BAK1: variants seen among roughly 807,000 people sequenced by gnomAD.
BAK1 encodes BCL2 antagonist/killer 1.
A neutral mutation model predicts 24.7 loss-of-function variants in BAK1; 19 were observed. The observed-to-expected ratio is 0.77, with a 90% CI of 0.54 to 1.13. The LOEUF is 1.13. Among genes scored for constraint, BAK1 ranks in the 50% most tolerant of loss-of-function variants. The pLI, the probability that BAK1 is intolerant of heterozygous loss-of-function variation, is 0.00. For synonymous variants in BAK1, 86 were observed against 107.3 expected (o/e 0.80, Z 1.23); for missense variants, 194 against 279.4 (o/e 0.69, Z 2.18).
chr6:33,575,643 T>A lies in BAK1; in HGVS notation c.206+150A>T. 7.4e-7 allele frequency: 1 copy of A among 1,356,838 alleles called. No individual in the cohort carries two copies. The highest frequency in any genetic ancestry group is 1.0e-6 in the Non-Finnish European group (1 of 993,134). The allele number at this position is 1,356,838 out of a possible 1,614,324, so 84.0% of individuals were successfully genotyped here. On this transcript the variant is annotated intron_variant, in intron 3 of 5. Coordinates refer to ENST00000374467, the MANE Select transcript of BAK1 (RefSeq NM_001188.4). The surrounding 1 kb of genome is among the most constrained non-coding windows in gnomAD (Gnocchi z 6.3). ...GCTAAAAAGGATACAAGGTCCTGGA[T>A]GGGGGTGGGAGCCCAACATAAAAGA...
At chr6:33,576,283 A>G (rs1762843114) in intron 2 of BAK1, among the ~76,000 whole-genome samples, 1 of 147,868 alleles carries the variant, frequency 6.8e-6, no homozygotes, top group Non-Finnish European at 1.5e-5. Context: ...GTGAGCGGAG[A>G]TCGTGCCACT....
At chr6:33,576,810 AG>A (rs1232173516) in intron 2 of BAK1, among the ~76,000 whole-genome samples, 4 of 152,232 alleles carry the variant, frequency 2.6e-5, no homozygotes, top group South Asian at 2.1e-4. Flanking sequence ...CCCAGCTGGC[AG>A]GGGGAAAATG....
rs936340521 is a variant in BAK1, at chr6:33,573,749, C to T, written c.*54G>A. On this transcript the variant is annotated 3_prime_UTR_variant, in exon 6 of 6. Transcript: ENST00000374467. Reference sequence around the variant, plus strand: ...AAGGGAACAGAGAAGGCAAAGACTTCGCTTAAGTCCAGGCAGGGGTCTGAA... The same window carrying T: ...AAGGGAACAGAGAAGGCAAAGACTTTGCTTAAGTCCAGGCAGGGGTCTGAA... The T allele has an allele frequency of 1.3e-5, 19 of 1,443,612 alleles. No individual in the cohort carries two copies. In the Middle Eastern group the frequency reaches 1.0e-3, roughly 79 times the overall value. The allele number at this position is 1,443,612 out of a possible 1,614,324, so 89.4% of individuals were successfully genotyped here. A position where few individuals can be genotyped will look rare whatever the true frequency, so the allele number is the denominator to read the frequency against.
intron 2 of BAK1, 150 bp from the exon 3 acceptor site, chr6:33,576,078 C>T: frequency 8.0e-7 from 1 of 1,250,340 alleles, no homozygotes. Flanking sequence ...CCTATAATCC[C>T]AGCACTTTGG....
At chr6:33,574,374 T>C in intron 4 of BAK1, 160 bp from the exon 5 acceptor site, 1 of 1,441,798 alleles carries the variant, frequency 6.9e-7, no homozygotes, top group East Asian at 2.5e-5. Context: ...GGGAACAACC[T>C]GGGTCTCTGC....
Position 33,575,694 on chromosome 6 carries a change from AC to A in BAK1, c.206+98del. ...GGAGCAACCATGAGAGAAGGGCAAGACCCCCGAGGCCTCCCCAGCTCCCAGG... is the reference window on the plus strand; with the variant it reads ...GGAGCAACCATGAGAGAAGGGCAAGACCCCGAGGCCTCCCCAGCTCCCAGG... On this transcript the variant is annotated intron_variant, in intron 3 of 5. Transcript: ENST00000374467. This position sits in a 1 kb window ranked among gnomAD's most constrained non-coding sequence, Gnocchi z 6.3. The A allele has an allele frequency of 6.6e-7, 1 of 1,514,666 alleles. No homozygotes were observed. 93.8% of individuals were successfully genotyped at this position (1,514,666 alleles called of 1,614,324 possible).
In BAK1 at chr6:33,575,707, C is replaced by T. The variant is rs1762833540; in HGVS notation, c.206+86G>A. On this transcript the variant is annotated intron_variant, in intron 3 of 5. Transcript: ENST00000374467. This position sits in a 1 kb window ranked among gnomAD's most constrained non-coding sequence, Gnocchi z 6.3. Reference sequence around the variant, plus strand: ...GAGAAGGGCAAGACCCCCGAGGCCTCCCCAGCTCCCAGGACCTGCACAGAG... The same window carrying T: ...GAGAAGGGCAAGACCCCCGAGGCCTTCCCAGCTCCCAGGACCTGCACAGAG... 1.3e-6 allele frequency: 2 copies of T among 1,553,462 alleles called. No individual in the cohort carries two copies. Among genetic ancestry groups the T allele is most frequent in the African/African-American group, 2.7e-5 (2 of 73,276 alleles).
chr6:33,575,075 G>T lies in BAK1; in HGVS notation c.350+223C>A. On this transcript the variant is annotated intron_variant, in intron 4 of 5. Transcript: ENST00000374467. This position sits in a 1 kb window ranked among gnomAD's most constrained non-coding sequence, Gnocchi z 6.3. ...TCCTGATCTAACCAGTCAAGACCTTGGAGTCAGAGCTCAAAAGAGCTGTGA... is the reference window on the plus strand; with the variant it reads ...TCCTGATCTAACCAGTCAAGACCTTTGAGTCAGAGCTCAAAAGAGCTGTGA... 1.5e-6 allele frequency: 1 copy of T among 654,948 alleles called. No homozygotes were observed. Among genetic ancestry groups the T allele is most frequent in the Non-Finnish European group, 2.7e-6 (1 of 366,872 alleles). The allele number at this position is 654,948 out of a possible 1,614,324, so 40.6% of individuals were successfully genotyped here.
Position 33,578,057 on chromosome 6 carries a change from C to A in BAK1, c.-31-422G>T, listed in dbSNP as rs1417408970. ...CGCTGGCTCTCAAGTTCATGCCACTCCTGGGGCAAGAGCCTGGGGGGTTTT... is the reference window on the plus strand; with the variant it reads ...CGCTGGCTCTCAAGTTCATGCCACTACTGGGGCAAGAGCCTGGGGGGTTTT... On this transcript the variant is annotated intron_variant, in intron 1 of 5. Coordinates refer to ENST00000374467, the MANE Select transcript of BAK1 (RefSeq NM_001188.4). The surrounding 1 kb of genome is among the most constrained non-coding windows in gnomAD (Gnocchi z 4.8). 6.6e-6 allele frequency among the ~76,000 whole-genome samples: 1 copy of A among 152,168 alleles called. No homozygotes were observed. Among genetic ancestry groups the A allele is most frequent in the Non-Finnish European group, 1.5e-5 (1 of 68,026 alleles).
In BAK1 at chr6:33,578,219, A is replaced by G. The variant is rs941033405; in HGVS notation, c.-31-584T>C. ...GCTGGCCAGAACACACCTGTTTTTT[A>G]ACTCTGGGCTGTTAGCCGCAAACAT... On this transcript the variant is annotated intron_variant, in intron 1 of 5. Coordinates refer to ENST00000374467, the MANE Select transcript of BAK1 (RefSeq NM_001188.4). The surrounding 1 kb of genome is among the most constrained non-coding windows in gnomAD (Gnocchi z 4.8). 1.3e-5 allele frequency among the ~76,000 whole-genome samples: 2 copies of G among 152,152 alleles called. No individual in the cohort carries two copies. The highest frequency in any genetic ancestry group is 2.9e-5 in the Non-Finnish European group (2 of 68,018).
In BAK1 at chr6:33,573,487, C is replaced by T. The variant is rs1244439239; in HGVS notation, c.*316G>A. 1.1e-5 allele frequency: 4 copies of T among 375,738 alleles called. No homozygotes were observed. The highest frequency in any genetic ancestry group is 8.0e-5 in the African/African-American group (4 of 49,892). The allele number at this position is 375,738 out of a possible 1,614,324, so 23.3% of individuals were successfully genotyped here. On this transcript the variant is annotated 3_prime_UTR_variant, in exon 6 of 6. Coordinates refer to ENST00000374467, the MANE Select transcript of BAK1 (RefSeq NM_001188.4). ...AAACACTTTCTGGGGAGAAGTGGCT[C>T]CCAGTCTCTTGCCTCCCCAAGTTAT...
In BAK1 at chr6:33,575,054, G is replaced by C. The variant is rs949415494; in HGVS notation, c.350+244C>G. 6.6e-6 allele frequency among the ~76,000 whole-genome samples: 1 copy of C among 152,224 alleles called. No individual in the cohort carries two copies. Among genetic ancestry groups the C allele is most frequent in the African/African-American group, 2.4e-5 (1 of 41,456 alleles). ...CACCTCAGGCCCCCTCTAGAGTCCT[G>C]ATCTAACCAGTCAAGACCTTGGAGT... On this transcript the variant is annotated intron_variant, in intron 4 of 5. Transcript: ENST00000374467. This position sits in a 1 kb window ranked among gnomAD's most constrained non-coding sequence, Gnocchi z 6.3.
rs1012494393 is a variant in BAK1, at chr6:33,575,886, T to C, written c.113A>G (p.Tyr38Cys). The change falls in exon 3 of 6, where the codon TAC becomes TGC. Residue 38 changes from tyrosine to cysteine, a missense_variant. Tyr to Cys is a radical substitution (Grantham distance 194, BLOSUM62 -2). Coordinates refer to ENST00000374467, the MANE Select transcript of BAK1 (RefSeq NM_001188.4). The surrounding 1 kb of genome is among the most constrained non-coding windows in gnomAD (Gnocchi z 6.3). ...AQDTEEVFRS[Y>C]VFYRHQQEQE... ...TTCCTGCTGATGGCGGTAAAAAACGTAGCTGCGGAAAACCTCCTCTGTGTC... is the reference window on the plus strand; with the variant it reads ...TTCCTGCTGATGGCGGTAAAAAACGCAGCTGCGGAAAACCTCCTCTGTGTC... The C allele has an allele frequency of 9.9e-6, 16 of 1,613,982 alleles. No homozygotes were observed. Among genetic ancestry groups the C allele is most frequent in the Non-Finnish European group, 1.4e-5 (16 of 1,180,034 alleles).
chr6:33,573,664 C>A lies in BAK1; in HGVS notation c.*139G>T. 1 of 728,872 alleles carries A rather than the reference C, an allele frequency of 1.4e-6. No homozygotes were observed. The highest frequency in any genetic ancestry group is 2.7e-5 in the East Asian group (1 of 37,052). The allele number at this position is 728,872 out of a possible 1,614,324, so 45.2% of individuals were successfully genotyped here. Reference sequence around the variant, plus strand: ...GCCTGACTGGCCCCCACGCAGGGGCCCTCCGAAGCTGGAGTGCACACTTGC... The same window carrying A: ...GCCTGACTGGCCCCCACGCAGGGGCACTCCGAAGCTGGAGTGCACACTTGC... On this transcript the variant is annotated 3_prime_UTR_variant, in exon 6 of 6. Transcript: ENST00000374467.
intron 2 of BAK1, among the ~76,000 whole-genome samples, chr6:33,576,933 C>T (rs761569767): frequency 5.3e-5 from 8 of 152,188 alleles, no homozygotes; most frequent in South Asian, 2.1e-4. Context: ...ATCTCAGCTC[C>T]GCAGCCCTTT....
chr6:33,575,732 G>T lies in BAK1; in HGVS notation c.206+61C>A. The T allele has an allele frequency of 6.3e-7, 1 of 1,592,018 alleles. No individual in the cohort carries two copies. Among genetic ancestry groups the T allele is most frequent in the East Asian group, 2.2e-5 (1 of 44,638 alleles). Reference sequence around the variant, plus strand: ...CCCCAGCTCCCAGGACCTGCACAGAGACCCATGCGAGCTACTGCCTCCCTG... The same window carrying T: ...CCCCAGCTCCCAGGACCTGCACAGATACCCATGCGAGCTACTGCCTCCCTG... On this transcript the variant is annotated intron_variant, in intron 3 of 5. Transcript: ENST00000374467. This position sits in a 1 kb window ranked among gnomAD's most constrained non-coding sequence, Gnocchi z 6.3.
chr6:33,577,639 C>T lies in BAK1; in HGVS notation c.-31-4G>A, dbSNP rs371070887. On this transcript the variant is annotated splice_polypyrimidine_tract_variant and splice_region_variant and intron_variant, in intron 1 of 5. Coordinates refer to ENST00000374467, the MANE Select transcript of BAK1 (RefSeq NM_001188.4). This position sits in a 1 kb window ranked among gnomAD's most constrained non-coding sequence, Gnocchi z 4.6. ...CTCAGTGGAGGACGGGATCAGCCTG[C>T]GGGGAAGGGCGAGAAAAAGCAGAGA... 36 of 1,523,584 alleles carry T rather than the reference C, an allele frequency of 2.4e-5. No individual in the cohort carries two copies. The South Asian group carries it at 2.7e-4, about 11-fold the overall frequency. The allele number at this position is 1,523,584 out of a possible 1,614,324, so 94.4% of individuals were successfully genotyped here.
At chr6:33,574,463 G>T in intron 4 of BAK1, 1 of 1,493,362 alleles carries the variant, frequency 6.7e-7, no homozygotes, top group Non-Finnish European at 8.9e-7. Context: ...GCACAGAGAG[G>T]GCAGAGGGCA....
At position 33,577,455 on chromosome 6, in the gene BAK1, C is replaced by A; in HGVS notation, c.70+80G>T. 1 of 1,330,740 alleles carries A rather than the reference C, an allele frequency of 7.5e-7. No individual in the cohort carries two copies. Among genetic ancestry groups the A allele is most frequent in the Non-Finnish European group, 1.0e-6 (1 of 992,300 alleles). The allele number at this position is 1,330,740 out of a possible 1,614,324, so 82.4% of individuals were successfully genotyped here. On this transcript the variant is annotated intron_variant, in intron 2 of 5. Transcript: ENST00000374467. This position sits in a 1 kb window ranked among gnomAD's most constrained non-coding sequence, Gnocchi z 4.6. ...CAGTGGGTGAACCGAGGCGAAGGAGCCTGCCTGAGTCCTGCTCCTTCCATC... is the reference window on the plus strand; with the variant it reads ...CAGTGGGTGAACCGAGGCGAAGGAGACTGCCTGAGTCCTGCTCCTTCCATC...
Sources: gnomAD v4.1 joint callset for allele counts (sites outside exome capture counted in the v4.1 genomes callset) on GRCh38, gnomAD v4.1.1 for gene constraint, Gnocchi (gnomAD v3.1) non-coding constraint, MANE v1.5 for transcripts, NCBI Gene and HGNC (gene_info 2026-07-23, HGNC 2026-07-21) for gene names.